Variants in UBE2D1 observed in about 807,000 individuals in gnomAD.
UBE2D1 encodes ubiquitin conjugating enzyme E2 D1, also known as ubiquitin-conjugating enzyme E2 D1.
Under a neutral mutation model 24.6 loss-of-function variants are expected in UBE2D1, and 9 were observed. The observed-to-expected ratio is 0.37, with a 90% CI of 0.22 to 0.64. The LOEUF is 0.64. Among genes scored for constraint, UBE2D1 ranks in the 30% least tolerant of loss-of-function variants. The pLI is 0.64. For synonymous variants in UBE2D1, 57 were observed against 57.6 expected (o/e 0.99, Z 0.04); for missense variants, 87 against 177.1 (o/e 0.49, Z 2.89).
intron 1 of UBE2D1, among the ~76,000 whole-genome samples, chr10:58,335,560 A>G (rs1839894108): frequency 6.6e-6 from 1 of 152,180 alleles, no homozygotes; most frequent in Non-Finnish European, 1.5e-5. Context: ...TTTGCCCTCC[A>G]TGGGGCTAGT....
chr10:58,358,922 G>A (rs1354756633), intron 1 of UBE2D1, among the ~76,000 whole-genome samples: 1 of 150,094 alleles, frequency 6.7e-6, no homozygotes, highest in Non-Finnish European at 1.5e-5. Flanking sequence ...CAGCCTGCTT[G>A]GTCCGTTATT....
At position 58,363,768 on chromosome 10, in the gene UBE2D1, T is replaced by C. The variant is rs1158336473; in HGVS notation, c.198+82T>C. 3 of 1,013,416 alleles carry C rather than the reference T, an allele frequency of 3.0e-6. No individual in the cohort carries two copies. In the Admixed American group the frequency reaches 7.3e-5, roughly 25 times the overall value. 62.8% of individuals were successfully genotyped at this position (1,013,416 alleles called of 1,614,324 possible). A position where few individuals can be genotyped will look rare whatever the true frequency, so the allele number is the denominator to read the frequency against. ...TAGAGCTCATTTGATTATCTAGAGC[T>C]CATTTGATATGTCAAAGACTGTGGG... On this transcript the variant is annotated intron_variant, in intron 4 of 6. Transcript: ENST00000373910.
intron 1 of UBE2D1, among the ~76,000 whole-genome samples, chr10:58,349,874 T>A (rs1375055508): frequency 1.3e-5 from 2 of 152,192 alleles, no homozygotes; most frequent in Non-Finnish European, 2.9e-5. Context: ...TGTAGCCTGT[T>A]TTTGAACGTT....
chr10:58,343,216 A>G (rs796973714), intron 1 of UBE2D1, among the ~76,000 whole-genome samples: 3 of 152,274 alleles, frequency 2.0e-5, no homozygotes, highest in African/African-American at 7.2e-5. Context: ...ACTGTAGGTT[A>G]TTTCTAAGAA....
intron 1 of UBE2D1, among the ~76,000 whole-genome samples, chr10:58,356,037 A>G (rs1348017898): frequency 6.6e-6 from 1 of 152,160 alleles, no homozygotes; most frequent in East Asian, 1.9e-4. Flanking sequence ...ATGTAGAGGA[A>G]AAAAAACCAA....
chr10:58,346,203 G>A (rs928302752), intron 1 of UBE2D1, among the ~76,000 whole-genome samples: 1 of 151,748 alleles, frequency 6.6e-6, no homozygotes, highest in African/African-American at 2.4e-5. Flanking sequence ...GTAGAGACTG[G>A]GTTTCACCAT....
intron 1 of UBE2D1, among the ~76,000 whole-genome samples, chr10:58,339,288 T>G (rs1048091502): frequency 6.6e-6 from 1 of 152,148 alleles, no homozygotes; most frequent in Non-Finnish European, 1.5e-5. Context: ...GTATTTTCAG[T>G]AGAGATGGGT....
intron 4 of UBE2D1, 42 bp from the exon 5 acceptor site, chr10:58,364,729 C>G (rs1174467841): frequency 2.7e-6 from 4 of 1,456,784 alleles, no homozygotes; most frequent in East Asian, 2.3e-5. Context: ...ATAGTTGATT[C>G]AAAGGTGATT....
intron 1 of UBE2D1, among the ~76,000 whole-genome samples, chr10:58,350,774 G>A (rs1197426870): frequency 6.6e-6 from 1 of 152,106 alleles, no homozygotes; most frequent in Non-Finnish European, 1.5e-5. Flanking sequence ...TGTAATGACA[G>A]GGATAATTTC....
At chr10:58,335,261 G>A (rs1365535320) in intron 1 of UBE2D1, 36 bp downstream of exon 1, 3 of 1,506,024 alleles carry the variant, frequency 2.0e-6, no homozygotes, top group Admixed American at 2.2e-5. Flanking sequence ...CTGCGGGGCA[G>A]CGGCCCCCTG....
chr10:58,365,956 T>C (rs1402551253), intron 5 of UBE2D1, among the ~76,000 whole-genome samples: 1 of 152,226 alleles, frequency 6.6e-6, no homozygotes, highest in African/African-American at 2.4e-5. Flanking sequence ...AATAGCTCTT[T>C]CAGTTCAATT....
chr10:58,360,431 G>GAAA (rs112317823), intron 1 of UBE2D1, among the ~76,000 whole-genome samples: 12 of 146,510 alleles, frequency 8.2e-5, no homozygotes, highest in African/African-American at 2.7e-4. Context: ...TCTGTTAGAG[G>GAAA]AAAAAAAAAA....
intron 1 of UBE2D1, among the ~76,000 whole-genome samples, chr10:58,359,541 C>T (rs778467842): frequency 1.1e-4 from 16 of 152,158 alleles, no homozygotes; most frequent in Admixed American, 5.9e-4. Flanking sequence ...ACAAGGATTA[C>T]AGATTCAACA....
intron 1 of UBE2D1, 46 bp from the exon 2 acceptor site, chr10:58,361,292 T>C (rs1233581505): frequency 6.3e-7 from 1 of 1,588,038 alleles, no homozygotes; most frequent in African/African-American, 1.3e-5. Context: ...CCTTGTTTCA[T>C]TGGGAAAAGA....
At chr10:58,365,030 G>C (rs1284753897) in intron 5 of UBE2D1, among the ~76,000 whole-genome samples, 154 bp downstream of exon 5, 2 of 152,174 alleles carry the variant, frequency 1.3e-5, no homozygotes, top group Non-Finnish European at 2.9e-5. Context: ...TGTTACTATG[G>C]CTTTTGGCAG....
At chr10:58,353,947 G>A (rs900612694) in intron 1 of UBE2D1, among the ~76,000 whole-genome samples, 4 of 152,124 alleles carry the variant, frequency 2.6e-5, no homozygotes, top group African/African-American at 9.7e-5. Context: ...AACACCTTAT[G>A]TGAAAGGCAT....
intron 5 of UBE2D1, among the ~76,000 whole-genome samples, chr10:58,366,680 G>C (rs1384985091): frequency 6.6e-6 from 1 of 152,118 alleles, no homozygotes; most frequent in Non-Finnish European, 1.5e-5. Flanking sequence ...CTGGCCTCAA[G>C]TGATCCTCCT....
chr10:58,339,964 C>T (rs1400943626), intron 1 of UBE2D1, among the ~76,000 whole-genome samples: 2 of 152,100 alleles, frequency 1.3e-5, no homozygotes, highest in Non-Finnish European at 2.9e-5. Flanking sequence ...TTACTGAACT[C>T]ACCAGATATA....
In UBE2D1 at chr10:58,355,580, G is replaced by A. The variant is rs933708391; in HGVS notation, c.25-5758G>A. On this transcript the variant is annotated intron_variant, in intron 1 of 6. Coordinates refer to ENST00000373910, the MANE Select transcript of UBE2D1 (RefSeq NM_003338.5). ...AAGATTTTGAGCCTTATGACTGGTT[G>A]GCTTATGTCCCATTAACAGGCATGG... Among the ~76,000 whole-genome samples the A allele has an allele frequency of 2.0e-5, 3 of 152,242 alleles. No individual in the cohort carries two copies. In the South Asian group the frequency reaches 6.2e-4, roughly 32 times the overall value.
Sources: allele counts gnomAD v4.1 joint callset (sites outside exome capture counted in the v4.1 genomes callset), GRCh38; gene constraint gnomAD v4.1.1; transcripts MANE v1.5; gene names NCBI Gene and HGNC (gene_info 2026-07-23, HGNC 2026-07-21).